Variants in AGBL1 observed in about 807,000 individuals in gnomAD.
The protein encoded by AGBL1 is cytosolic carboxypeptidase 4.
Under a neutral mutation model 118.9 loss-of-function variants are expected in AGBL1, and 130 were observed. The observed-to-expected ratio is 1.09, with a 90% CI of 0.95 to 1.26. The LOEUF is 1.26. AGBL1 is among the 50% of genes most tolerant of loss of function. The probability of loss-of-function intolerance (pLI) is 0.00; values close to 1 mark genes in which losing one functional copy is unlikely to be tolerated. For missense variants in AGBL1, 1,584 were observed against 1,298.1 expected, an observed-to-expected ratio of 1.22 and a Z score of -3.38; for synonymous variants, 555 against 478.9, an observed-to-expected ratio of 1.16 and a Z score of -2.08.
intron 22 of AGBL1, among the ~76,000 whole-genome samples, chr15:86,739,300 G>A (rs529646983): frequency 7.8e-4 from 119 of 151,798 alleles, no homozygotes; most frequent in African/African-American, 2.5e-3. Context: ...AAAATTAGCC[G>A]GGCTTGGTGG....
At chr15:86,633,546 T>C (rs1267279358) in intron 21 of AGBL1, among the ~76,000 whole-genome samples, 1 of 152,042 alleles carries the variant, frequency 6.6e-6, no homozygotes, top group Non-Finnish European at 1.5e-5. Context: ...ATTAGAATCT[T>C]TGCTCCTTAG....
At chr15:86,847,268 C>G (rs1567204779) in intron 22 of AGBL1, among the ~76,000 whole-genome samples, 1 of 152,166 alleles carries the variant, frequency 6.6e-6, no homozygotes. Context: ...AAGACAGTTT[C>G]TAATCACTGC....
At chr15:86,423,209 C>G (rs558173257) in intron 18 of AGBL1, among the ~76,000 whole-genome samples, 5 of 152,310 alleles carry the variant, frequency 3.3e-5, no homozygotes, top group Admixed American at 2.6e-4. Context: ...CAAACTGAAT[C>G]TAGCAGCACA....
In AGBL1 at chr15:86,411,262, CG is replaced by C. The variant is rs200756636; in HGVS notation, c.2555+13721del. On this transcript the variant is annotated intron_variant, in intron 18 of 22. Transcript: ENST00000614907. ...GTGCATGGAGTCTGTCTTCCCCAGC[CG>C]GGGGACTGCCTCCCTGGGGTGGGTA... Among the ~76,000 whole-genome samples, 1,037 of 151,970 alleles carry C rather than the reference CG, an allele frequency of 6.8e-3. 16 individuals are homozygous for C. Among genetic ancestry groups the C allele is most frequent in the African/African-American group, 0.022 (912 of 41,464 alleles).
chr15:86,936,493 C>T (rs901462026), intron 23 of AGBL1, among the ~76,000 whole-genome samples: 2 of 151,954 alleles, frequency 1.3e-5, no homozygotes, highest in Admixed American at 6.6e-5. Context: ...ATTCAAGATA[C>T]GGGAATGTTA....
chr15:86,086,627 C>A (rs1328472459), intron 1 of AGBL1, among the ~76,000 whole-genome samples: 1 of 152,148 alleles, frequency 6.6e-6, no homozygotes, highest in Non-Finnish European at 1.5e-5. Context: ...TCCTTTCTTT[C>A]TTTTTTCTCT....
In AGBL1 at chr15:86,556,355, T is replaced by C. The variant is rs1453035236; in HGVS notation, c.2994+1818T>C. ...TGCATTGGGTCACTAGAAGGAATAA[T>C]GGAGGGAGAACTGGCTAGAGAAAGC... On this transcript the variant is annotated intron_variant, in intron 21 of 22. Transcript: ENST00000614907. 4 of 1,361,754 alleles carry C rather than the reference T, an allele frequency of 2.9e-6. No homozygotes were observed. In the African/African-American group the frequency reaches 5.8e-5, roughly 20 times the overall value. 84.4% of individuals were successfully genotyped at this position (1,361,754 alleles called of 1,614,324 possible). A position where few individuals can be genotyped will look rare whatever the true frequency, so the allele number is the denominator to read the frequency against.
At chr15:86,488,913 A>G (rs1280482734) in intron 18 of AGBL1, among the ~76,000 whole-genome samples, 1 of 151,994 alleles carries the variant, frequency 6.6e-6, no homozygotes, top group African/African-American at 2.4e-5. Flanking sequence ...ATAGGAAAAA[A>G]AAAATCAAAT....
chr15:86,997,595 A>G (rs1002486176), intron 24 of AGBL1, among the ~76,000 whole-genome samples: 11 of 152,068 alleles, frequency 7.2e-5, no homozygotes, highest in Admixed American at 3.9e-4. Context: ...GGATCACTTG[A>G]TAGACTGTAT....
At chr15:86,677,291 T>C (rs945946783) in intron 22 of AGBL1, among the ~76,000 whole-genome samples, 4 of 152,176 alleles carry the variant, frequency 2.6e-5, no homozygotes, top group African/African-American at 9.7e-5. Context: ...GAAAATGAAG[T>C]ACATGCATGC....
chr15:86,550,058 A>G (rs2083643609), intron 20 of AGBL1, among the ~76,000 whole-genome samples: 1 of 152,270 alleles, frequency 6.6e-6, no homozygotes, highest in East Asian at 1.9e-4. Flanking sequence ...CAATTCAAAG[A>G]ACAGAGAAAA....
intron 22 of AGBL1, among the ~76,000 whole-genome samples, chr15:86,875,487 C>A (rs985801116): frequency 1.4e-4 from 21 of 152,208 alleles, no homozygotes; most frequent in Admixed American, 5.9e-4. Context: ...CGTTGAGCCT[C>A]ATAACTTTCT....
At chr15:86,995,787 G>A (rs1363396994) in intron 24 of AGBL1, among the ~76,000 whole-genome samples, 1 of 152,076 alleles carries the variant, frequency 6.6e-6, no homozygotes. Context: ...TTTCTCACAA[G>A]GGTGAATTGC....
At chr15:86,282,300 T>TTAATTGA (rs1212682206) in intron 16 of AGBL1, among the ~76,000 whole-genome samples, 1 of 152,154 alleles carries the variant, frequency 6.6e-6, no homozygotes, top group Non-Finnish European at 1.5e-5. Context: ...AGAGGCCTTG[T>TTAATTGA]TAATTGATGC....
intron 22 of AGBL1, among the ~76,000 whole-genome samples, chr15:86,857,759 C>T (rs984049957): frequency 2.6e-5 from 4 of 152,154 alleles, no homozygotes; most frequent in Non-Finnish European, 4.4e-5. Context: ...CCAGGACATC[C>T]CTGGCCCCCA....
chr15:86,304,122 C>A (rs2079798976), intron 17 of AGBL1, among the ~76,000 whole-genome samples: 1 of 152,152 alleles, frequency 6.6e-6, no homozygotes, highest in Admixed American at 6.5e-5. Flanking sequence ...TTCTAGGCTC[C>A]TCCAATGGTC....
chr15:86,553,681 C>A (rs1474436724), intron 20 of AGBL1, among the ~76,000 whole-genome samples: 2 of 152,172 alleles, frequency 1.3e-5, no homozygotes, highest in Non-Finnish European at 2.9e-5. Flanking sequence ...CTGTAAATTT[C>A]AAGTCCCTTT....
rs1029488728 is a variant in AGBL1, at chr15:86,912,635, C to T, written c.*5341C>T. ...ATATTACACCCTTTCATTTATCAGC[C>T]TGGAAAATGGTGCCGTAGAGTCGAT... is the stretch of plus-strand genomic sequence containing the variant. On this transcript the variant is annotated 3_prime_UTR_variant, in exon 23 of 23. Coordinates refer to ENST00000614907, the MANE Select transcript of AGBL1 (RefSeq NM_001386094.1). 6.6e-6 allele frequency: 1 copy of T among 152,150 alleles called. No homozygotes were observed. The highest frequency in any genetic ancestry group is 1.5e-5 in the Non-Finnish European group (1 of 68,042). The allele number at this position is 152,150 out of a possible 1,614,324, so 9.4% of individuals were successfully genotyped here. A position where few individuals can be genotyped will look rare whatever the true frequency, so the allele number is the denominator to read the frequency against.
intron 1 of AGBL1, among the ~76,000 whole-genome samples, chr15:86,133,762 C>G (rs1434263422): frequency 6.6e-6 from 1 of 152,182 alleles, no homozygotes; most frequent in African/African-American, 2.4e-5. Flanking sequence ...GGAGAACTCT[C>G]AGCAAAGATC....
Sources: gnomAD v4.1 joint callset for allele counts (sites outside exome capture counted in the v4.1 genomes callset) on GRCh38, gnomAD v4.1.1 for gene constraint, MANE v1.5 for transcripts, NCBI Gene and HGNC (gene_info 2026-07-23, HGNC 2026-07-21) for gene names.